The following BTBD16 variants were observed in gnomAD, a reference collection of about 807,000 sequenced individuals.
The protein encoded by BTBD16 is BTB domain containing 16, also known as BTB/POZ domain-containing protein 16.
A neutral mutation model predicts 67.4 loss-of-function variants in BTBD16; 66 were observed. The ratio of observed to expected loss-of-function variants is 0.98; its 90% confidence interval spans 0.80 to 1.20. The LOEUF is 1.20. BTBD16 is among the 50% of genes most tolerant of loss of function. The pLI, the probability that BTBD16 is intolerant of heterozygous loss-of-function variation, is 0.00. For missense variants in BTBD16, 634 were observed against 616.0 expected (o/e 1.03, Z -0.31); for synonymous variants, 242 against 236.4 (o/e 1.02, Z -0.22).
At chr10:122,298,888 T>G (rs1021364080) in intron 8 of BTBD16, 116 bp from the exon 9 acceptor site, 2 of 1,364,790 alleles carry the variant, frequency 1.5e-6, no homozygotes, top group Non-Finnish European at 2.0e-6. Flanking sequence ...GTAGAAAAGG[T>G]TTGAGCGCCT....
intron 10 of BTBD16, among the ~76,000 whole-genome samples, chr10:122,322,076 T>C (rs1197931723): frequency 6.6e-6 from 1 of 152,200 alleles, no homozygotes; most frequent in Non-Finnish European, 1.5e-5. Flanking sequence ...TATATTTCTC[T>C]TCTTTCTTTC....
chr10:122,310,584 C>T (rs1397871211), intron 10 of BTBD16, among the ~76,000 whole-genome samples: 4 of 152,086 alleles, frequency 2.6e-5, no homozygotes, highest in South Asian at 2.1e-4. Flanking sequence ...CTCCAGTGGT[C>T]GCTGACAGGG....
chr10:122,296,150 G>A (rs2096382749), intron 7 of BTBD16, among the ~76,000 whole-genome samples: 1 of 152,038 alleles, frequency 6.6e-6, no homozygotes, highest in Non-Finnish European at 1.5e-5. Context: ...TCACTTGGGA[G>A]AAGTACAACT....
intron 7 of BTBD16, 162 bp from the exon 8 acceptor site, chr10:122,297,606 G>A (rs762465948): frequency 4.2e-4 from 87 of 206,074 alleles, no homozygotes; most frequent in Middle Eastern, 2.5e-3. Flanking sequence ...AACAAGCCAT[G>A]TTGGTCTTGT....
At chr10:122,273,604 C>T (rs2096334036) in intron 1 of BTBD16, among the ~76,000 whole-genome samples, 1 of 151,964 alleles carries the variant, frequency 6.6e-6, no homozygotes, top group Admixed American at 6.6e-5. Flanking sequence ...AAAAATTAGC[C>T]AGGTGTGGTA....
At chr10:122,285,998 T>C in intron 4 of BTBD16, 107 bp from the exon 5 acceptor site, 1 of 1,124,706 alleles carries the variant, frequency 8.9e-7, no homozygotes, top group Admixed American at 2.1e-5. Flanking sequence ...GCCTGCTTCA[T>C]GTGCTTAATG....
intron 10 of BTBD16, among the ~76,000 whole-genome samples, chr10:122,311,958 C>A (rs1015005595): frequency 4.6e-5 from 7 of 152,212 alleles, no homozygotes; most frequent in African/African-American, 1.7e-4. Context: ...CACGTGGCTG[C>A]ATGTAGCAAT....
At chr10:122,273,221 G>GATAGATAGATAT (rs1034902866) in intron 1 of BTBD16, among the ~76,000 whole-genome samples, 2 of 129,470 alleles carry the variant, frequency 1.5e-5, no homozygotes, top group African/African-American at 5.7e-5. Context: ...GCAACACAAA[G>GATAGATAGATAT]ATATATATAT....
In BTBD16 at chr10:122,272,678, T is replaced by TACACACACACACACACAC. The variant is rs112265160; in HGVS notation, c.-43+1176_-43+1193dup. Among the ~76,000 whole-genome samples the TACACACACACACACACAC allele has an allele frequency of 2.8e-3, 407 of 147,690 alleles. 4 individuals carry two copies. The highest frequency in any genetic ancestry group is 5.3e-3 in the African/African-American group (212 of 40,312). ...TCAAATTAGAGACTGGCAAAGGAAA[T>TACACACACACACACACAC]ACACACACACACACACACACACACA... is the stretch of plus-strand genomic sequence containing the variant. On this transcript the variant is annotated intron_variant, in intron 1 of 15. Transcript: ENST00000260723.
intron 13 of BTBD16, 73 bp downstream of exon 13, chr10:122,332,586 G>A: frequency 6.8e-7 from 1 of 1,479,672 alleles, no homozygotes; most frequent in Non-Finnish European, 9.4e-7. Flanking sequence ...TTGGAGGGCA[G>A]CCATGATCAC....
At chr10:122,285,024 C>G (rs559062059) in intron 4 of BTBD16, among the ~76,000 whole-genome samples, 1 of 152,238 alleles carries the variant, frequency 6.6e-6, no homozygotes, top group South Asian at 2.1e-4. Context: ...GATGCAAACC[C>G]CCCGGAACCC....
intron 8 of BTBD16, 38 bp downstream of exon 8, chr10:122,297,875 G>A: frequency 6.2e-7 from 1 of 1,600,282 alleles, no homozygotes; most frequent in Admixed American, 1.7e-5. Flanking sequence ...GCCCCTTGGG[G>A]GGGCCTTCAG....
chr10:122,310,609 T>A (rs1481716028), intron 10 of BTBD16, among the ~76,000 whole-genome samples: 2 of 152,066 alleles, frequency 1.3e-5, no homozygotes, highest in African/African-American at 4.8e-5. Flanking sequence ...GCCAGGAGCA[T>A]TTCAAAGTGA....
At chr10:122,296,499 A>G (rs2096383458) in intron 7 of BTBD16, among the ~76,000 whole-genome samples, 1 of 152,178 alleles carries the variant, frequency 6.6e-6, no homozygotes, top group African/African-American at 2.4e-5. Context: ...AGTCATAATG[A>G]GTTTAAGGTT....
intron 7 of BTBD16, among the ~76,000 whole-genome samples, chr10:122,293,251 G>A (rs1397797247): frequency 1.3e-5 from 2 of 152,232 alleles, no homozygotes; most frequent in African/African-American, 4.8e-5. Context: ...CTGCTCTGCA[G>A]AGGGGAGAGA....
chr10:122,295,533 A>G, intron 7 of BTBD16: 2 of 985,256 alleles, frequency 2.0e-6, no homozygotes, highest in Non-Finnish European at 1.2e-6. Flanking sequence ...TGTGTGAAGG[A>G]TGTGGTATAA....
intron 10 of BTBD16, among the ~76,000 whole-genome samples, chr10:122,317,797 G>A (rs564905119): frequency 6.6e-6 from 1 of 152,274 alleles, no homozygotes; most frequent in African/African-American, 2.4e-5. Context: ...GCCTTCAGGG[G>A]CAATGACACC....
rs1013155186 is a variant in BTBD16, at chr10:122,276,906, T to C, written c.134T>C (p.Ile45Thr). ...SLSQMCKALS[I>T]DFEEALRNPD... ...TCCCAGATGTGCAAGGCTCTGAGCA[T>C]AGACTTTGAGGAAGCTTTGAGGAAC... is the stretch of plus-strand genomic sequence containing the variant. Residue 45 changes from isoleucine (I) to threonine (T), a missense_variant, in exon 3 of 16, where the codon ATA (isoleucine) becomes ACA (threonine). Ile to Thr is a moderately conservative substitution (Grantham distance 89). Transcript: ENST00000260723. 6 of 1,614,044 alleles carry C rather than the reference T, an allele frequency of 3.7e-6. No individual in the cohort carries two copies. Among genetic ancestry groups the C allele is most frequent in the African/African-American group, 2.7e-5 (2 of 74,928 alleles).
At chr10:122,291,552 GA>G (rs898579888) in intron 7 of BTBD16, 112 of 171,368 alleles carry the variant, frequency 6.5e-4, no homozygotes, top group Middle Eastern at 2.5e-3. Context: ...TTGGCTAAAA[GA>G]AAAAAAAAAT....
Sources: gnomAD v4.1 joint callset for allele counts (sites outside exome capture counted in the v4.1 genomes callset) on GRCh38, gnomAD v4.1.1 for gene constraint, MANE v1.5 for transcripts, NCBI Gene and HGNC (gene_info 2026-07-23, HGNC 2026-07-21) for gene names.